RBMS3: variants seen among roughly 807,000 people sequenced by gnomAD.
RBMS3 encodes RNA-binding motif, single-stranded-interacting protein 3.
In RBMS3, 27 loss-of-function variants were observed where a neutral mutation model predicts 66.8. That is an observed-to-expected ratio of 0.40 (90% CI 0.30 to 0.56). The LOEUF (loss-of-function observed/expected upper bound fraction) is 0.56. Ranked by LOEUF, RBMS3 falls within the 20% of genes least tolerant of loss-of-function variation. RBMS3 has a pLI of 0.40. For missense variants in RBMS3, 513 were observed against 549.5 expected (o/e 0.93, Z 0.66); for synonymous variants, 188 against 183.0 (o/e 1.03, Z -0.22).
At chr3:30,001,235 A>G (rs998104494) in intron 14 of RBMS3, among the ~76,000 whole-genome samples, 12 of 152,030 alleles carry the variant, frequency 7.9e-5, no homozygotes, top group African/African-American at 2.4e-4. Context: ...ACATTTTTCC[A>G]CACTCTGGAT....
At chr3:29,623,097 TCCCTCTC>T in intron 4 of RBMS3, among the ~76,000 whole-genome samples, 1 of 111,822 alleles carries the variant, frequency 8.9e-6, no homozygotes. Context: ...GGAGAAAGAC[TCCCTCTC>T]AAAAAAAAAA....
At chr3:29,442,961 T>G (rs1020400423) in intron 2 of RBMS3, among the ~76,000 whole-genome samples, 1 of 152,130 alleles carries the variant, frequency 6.6e-6, no homozygotes, top group Non-Finnish European at 1.5e-5. Context: ...CTGTCTGCTC[T>G]TTATTACACA....
chr3:29,856,255 AAATT>A (rs2059073719), intron 6 of RBMS3, among the ~76,000 whole-genome samples: 2 of 152,346 alleles, frequency 1.3e-5, no homozygotes, highest in South Asian at 2.1e-4. Context: ...AATGTATTAA[AAATT>A]AATTAATAAT....
At chr3:29,674,417 G>T (rs116102583) in intron 4 of RBMS3, among the ~76,000 whole-genome samples, 3,807 of 152,164 alleles carry the variant, frequency 0.025, 65 homozygotes, top group Non-Finnish European at 0.038. Flanking sequence ...AATCAGGCGG[G>T]AGAAAGAAAG....
intron 6 of RBMS3, among the ~76,000 whole-genome samples, chr3:29,769,962 GA>G (rs1176673010): frequency 6.6e-6 from 1 of 151,852 alleles, no homozygotes; most frequent in African/African-American, 2.4e-5. Flanking sequence ...GTAAGAATAA[GA>G]AACTTATTTG....
chr3:29,746,547 C>A (rs954119616), intron 5 of RBMS3, among the ~76,000 whole-genome samples: 12 of 152,154 alleles, frequency 7.9e-5, no homozygotes, highest in African/African-American at 2.9e-4. Context: ...TACTCCTGGA[C>A]CCCCTGCAGC....
intron 6 of RBMS3, among the ~76,000 whole-genome samples, chr3:29,833,671 A>C (rs2058430716): frequency 6.6e-6 from 1 of 152,186 alleles, no homozygotes; most frequent in Admixed American, 6.6e-5. Context: ...AAATGAACAA[A>C]ACCTACAACA....
At chr3:29,433,935 T>C (rs1214974351) in intron 1 of RBMS3, among the ~76,000 whole-genome samples, 1 of 152,122 alleles carries the variant, frequency 6.6e-6, no homozygotes, top group Non-Finnish European at 1.5e-5. Context: ...GGGAATATTT[T>C]TTGGTGATCA....
intron 3 of RBMS3, among the ~76,000 whole-genome samples, chr3:29,550,790 G>T (rs1163092922): frequency 1.3e-5 from 2 of 152,110 alleles, no homozygotes; most frequent in Non-Finnish European, 2.9e-5. Context: ...GTATTTCAAG[G>T]TTACAGAAGC....
intron 6 of RBMS3, among the ~76,000 whole-genome samples, chr3:29,861,676 T>C (rs1267775543): frequency 6.6e-6 from 1 of 152,250 alleles, no homozygotes; most frequent in Admixed American, 6.5e-5. Context: ...GCAAAATCTT[T>C]GTCATTGTTT....
chr3:29,739,966 A>T, intron 5 of RBMS3, 89 bp downstream of exon 5: 1 of 997,854 alleles, frequency 1.0e-6, no homozygotes, highest in Non-Finnish European at 1.3e-6. Context: ...CCAAAGCAAT[A>T]GAATATGCAA....
intron 4 of RBMS3, among the ~76,000 whole-genome samples, chr3:29,606,910 A>T (rs1018628393): frequency 3.3e-5 from 5 of 151,860 alleles, no homozygotes; most frequent in African/African-American, 9.7e-5. Flanking sequence ...TTAGAGTGAA[A>T]TTTTTCTCAT....
intron 3 of RBMS3, among the ~76,000 whole-genome samples, chr3:29,496,206 A>G (rs1023437608): frequency 8.6e-5 from 13 of 151,312 alleles, no homozygotes; most frequent in Admixed American, 5.3e-4. Context: ...AAAAAAAAAA[A>G]AAAAAAAGAA....
At chr3:29,513,909 C>T (rs1217983757) in intron 3 of RBMS3, among the ~76,000 whole-genome samples, 4 of 152,112 alleles carry the variant, frequency 2.6e-5, no homozygotes, top group Non-Finnish European at 5.9e-5. Context: ...CAAAATTCAA[C>T]ACTCCTGACT....
chr3:29,705,210 C>T (rs2052826490), intron 4 of RBMS3, among the ~76,000 whole-genome samples: 1 of 152,188 alleles, frequency 6.6e-6, no homozygotes, highest in African/African-American at 2.4e-5. Context: ...CATTTGTTAT[C>T]CACAGGGTGT....
chr3:29,391,259 A>G (rs768967978), intron 1 of RBMS3: 3 of 155,252 alleles, frequency 1.9e-5, no homozygotes, highest in African/African-American at 4.8e-5. Context: ...TGAAAATAAC[A>G]TGGAATATTA....
At chr3:29,901,105 A>G (rs1042716709) in intron 10 of RBMS3, among the ~76,000 whole-genome samples, 3 of 151,766 alleles carry the variant, frequency 2.0e-5, no homozygotes, top group Admixed American at 2.0e-4. Context: ...TATTATTTAC[A>G]CACCTTGAGG....
chr3:29,758,535 T>G (rs2055524773), intron 5 of RBMS3, among the ~76,000 whole-genome samples: 2 of 152,138 alleles, frequency 1.3e-5, no homozygotes, highest in African/African-American at 4.8e-5. Flanking sequence ...CAAGATACCC[T>G]CAAAATTTCT....
intron 4 of RBMS3, among the ~76,000 whole-genome samples, chr3:29,720,727 T>TGTGTGTGTGTGTGTGA (rs1253943133): frequency 2.0e-5 from 3 of 151,842 alleles, no homozygotes; most frequent in African/African-American, 7.3e-5. Context: ...AGTGTGTGTG[T>TGTGTGTGTGTGTGTGA]GACTTTTCAT....
Sources: gnomAD v4.1 joint callset for allele counts (sites outside exome capture counted in the v4.1 genomes callset) on GRCh38, gnomAD v4.1.1 for gene constraint, MANE v1.5 for transcripts, NCBI Gene and HGNC (gene_info 2026-07-23, HGNC 2026-07-21) for gene names.